The following MPZ variants were observed in gnomAD, a reference collection of about 807,000 sequenced individuals.
MPZ encodes myelin protein P0.
Under a neutral mutation model 27.9 loss-of-function variants are expected in MPZ, and 13 were observed. That is an observed-to-expected ratio of 0.47 (90% CI 0.30 to 0.74). The LOEUF (loss-of-function observed/expected upper bound fraction) is 0.74, where lower values mean the gene tolerates loss of function less well. Among genes scored for constraint, MPZ ranks in the 30% least tolerant of loss-of-function variants. The pLI is 0.06. For synonymous variants in MPZ, 118 were observed against 128.9 expected (o/e 0.92, Z 0.57); for missense variants, 256 against 317.5 (o/e 0.81, Z 1.47).
chr1:161,307,599 T>C (rs1571820596), intron 1 of MPZ, 175 bp from the exon 2 acceptor site: 3 of 638,170 alleles, frequency 4.7e-6, no homozygotes, highest in East Asian at 2.8e-5. Context: ...TGAGCATAAA[T>C]GCTGTGTCTG....
At chr1:161,309,552 A>ATATATATATTTTTTT in intron 1 of MPZ, among the ~76,000 whole-genome samples, 10 of 80,644 alleles carry the variant, frequency 1.2e-4, no homozygotes, top group East Asian at 1.0e-3. Context: ...ATATATATAT[A>ATATATATATTTTTTT]TTTTTTTTTT....
downstream of MPZ, among the ~76,000 whole-genome samples, chr1:161,303,658 A>G (rs1440623804): frequency 6.6e-6 from 1 of 152,190 alleles, no homozygotes; most frequent in South Asian, 2.1e-4. Context: ...CTCTCCTGAC[A>G]GTCTGGGAAG....
At chr1:161,307,130 C>T (rs1321761598) in intron 2 of MPZ, 128 bp downstream of exon 2, 3 of 1,288,568 alleles carry the variant, frequency 2.3e-6, no homozygotes, top group Non-Finnish European at 3.3e-6. Context: ...CAAAGACTGT[C>T]ATTTACCTTG....
At chr1:161,306,561 C>G (rs1571818469) in intron 3 of MPZ, 97 bp from the exon 4 acceptor site, 1 of 1,574,974 alleles carries the variant, frequency 6.3e-7, no homozygotes, top group Non-Finnish European at 8.7e-7. Flanking sequence ...TGTAGGACTC[C>G]CAGCTAAAAC....
In MPZ at chr1:161,305,960, T is replaced by C. The variant is rs1404344759; in HGVS notation, c.663A>G (p.Ala221=). 8.1e-6 allele frequency: 13 copies of C among 1,613,920 alleles called. No individual in the cohort carries two copies. The highest frequency in any genetic ancestry group is 1.1e-5 in the Non-Finnish European group (13 of 1,179,968). The change falls in exon 6 of 6, where the codon GCA becomes GCG. Residue 221 remains alanine, a synonymous_variant. Transcript: ENST00000533357. ...KRGRQTPVLY[A]MLDHSRSTKA... is the part of the protein sequence containing the mutation. ...TGGTGCTTCTGCTGTGGTCCAGCAT[T>C]GCATACAGCACTGGCGTCTGGGGGA...
chr1:161,304,309 T>C (rs535447740), downstream of MPZ, among the ~76,000 whole-genome samples: 69 of 152,312 alleles, frequency 4.5e-4, 1 homozygote, highest in African/African-American at 1.5e-3. Context: ...AAGTTTTCCA[T>C]ACACAGGATC....
chr1:161,308,457 G>A (rs940392729), intron 1 of MPZ, among the ~76,000 whole-genome samples: 1 of 152,182 alleles, frequency 6.6e-6, no homozygotes, highest in Non-Finnish European at 1.5e-5. Context: ...TGGCCCCAGG[G>A]AGGGGCAACT....
chr1:161,305,807 G>T lies in MPZ; in HGVS notation c.*69C>A. ...CATCCTTTCGTAGCTCCATCTCGATGACCATCACCTTTGGGCCTTTGGCGG... is the reference window on the plus strand; with the variant it reads ...CATCCTTTCGTAGCTCCATCTCGATTACCATCACCTTTGGGCCTTTGGCGG... On this transcript the variant is annotated 3_prime_UTR_variant, in exon 6 of 6. Transcript: ENST00000533357. 8.7e-7 allele frequency: 1 copy of T among 1,153,094 alleles called. No homozygotes were observed. Among genetic ancestry groups the T allele is most frequent in the South Asian group, 1.4e-5 (1 of 73,232 alleles). The allele number at this position is 1,153,094 out of a possible 1,614,324, so 71.4% of individuals were successfully genotyped here.
downstream of MPZ, among the ~76,000 whole-genome samples, chr1:161,303,682 C>G (rs1670163772): frequency 6.6e-6 from 1 of 152,162 alleles, no homozygotes; most frequent in Admixed American, 6.6e-5. Flanking sequence ...AAGCAGGGAA[C>G]CCAGCTGCAA....
At chr1:161,307,037 A>C in intron 2 of MPZ, 116 bp from the exon 3 acceptor site, 1 of 920,672 alleles carries the variant, frequency 1.1e-6, no homozygotes. Context: ...AAAAAAAAAA[A>C]AGCTTCGCTC....
chr1:161,304,554 T>G (rs1242798765), downstream of MPZ, among the ~76,000 whole-genome samples: 1 of 152,186 alleles, frequency 6.6e-6, no homozygotes, highest in Non-Finnish European at 1.5e-5. Flanking sequence ...TCTCACTGAT[T>G]ATTTGCTGAA....
Position 161,306,847 on chromosome 1 carries a change from C to T in MPZ, c.309G>A (p.Gly103=). ...TGGAGCCATCCTTCCAGCGAGGGTCCCCTACCCACTGGATGCGCTCTTTGA... is the reference window on the plus strand; with the variant it reads ...TGGAGCCATCCTTCCAGCGAGGGTCTCCTACCCACTGGATGCGCTCTTTGA... The part of the protein sequence containing the change: ...GTFKERIQWV[G]DPRWKDGSIV... Residue 103 remains glycine, a synonymous_variant, in exon 3 of 6, where the codon GGG becomes GGA. Transcript: ENST00000533357. The T allele has an allele frequency of 6.2e-7, 1 of 1,613,856 alleles. No homozygotes were observed. Among genetic ancestry groups the T allele is most frequent in the South Asian group, 1.1e-5 (1 of 91,060 alleles).
Position 161,305,857 on chromosome 1 carries a change from C to A in MPZ, c.*19G>T, listed in dbSNP as rs1413257168. On this transcript the variant is annotated 3_prime_UTR_variant, in exon 6 of 6. Coordinates refer to ENST00000533357, the MANE Select transcript of MPZ (RefSeq NM_000530.8). ...GACTCCACCCCTAACCCCCGATCCCCCGCCCGGCCCGCTAACCGCTATTTC... is the reference window on the plus strand; with the variant it reads ...GACTCCACCCCTAACCCCCGATCCCACGCCCGGCCCGCTAACCGCTATTTC... 6.3e-7 allele frequency: 1 copy of A among 1,594,206 alleles called. No individual in the cohort carries two copies. The highest frequency in any genetic ancestry group is 1.1e-5 in the South Asian group (1 of 89,870).
At position 161,307,471 on chromosome 1, in the gene MPZ, G is replaced by C. The variant is rs374978181; in HGVS notation, c.68-47C>G. ...TCAGATGCACCTATGGGCCCAGTAA[G>C]GGATACAGAGGAAGTGAGATCAGTA... On this transcript the variant is annotated intron_variant, in intron 1 of 5. Coordinates refer to ENST00000533357, the MANE Select transcript of MPZ (RefSeq NM_000530.8). The C allele has an allele frequency of 2.7e-3, 4,365 of 1,607,338 alleles. 5 individuals carry two copies. Among genetic ancestry groups the C allele is most frequent in the Non-Finnish European group, 3.3e-3 (3,889 of 1,175,012 alleles).
intron 2 of MPZ, 93 bp from the exon 3 acceptor site, chr1:161,307,014 C>T: frequency 4.3e-6 from 1 of 230,386 alleles, no homozygotes; most frequent in Non-Finnish European, 7.4e-6. Context: ...AAGAAAAAAG[C>T]AAAAAAAAAA....
chr1:161,306,090 G>A lies in MPZ; in HGVS notation c.645+18C>T, dbSNP rs1367689707. 2 of 1,613,882 alleles carry A rather than the reference G, an allele frequency of 1.2e-6. No individual in the cohort carries two copies. The highest frequency in any genetic ancestry group is 2.7e-5 in the African/African-American group (2 of 74,892). ...GGGTTCTCCTTCCCATCTTGTCTAG[G>A]CCCCAAGTCCCGCTAACCTGCCGCC... On this transcript the variant is annotated intron_variant, in intron 5 of 5. Transcript: ENST00000533357.
intron 3 of MPZ, 61 bp from the exon 4 acceptor site, chr1:161,306,525 T>C: frequency 6.2e-7 from 1 of 1,606,804 alleles, no homozygotes; most frequent in Non-Finnish European, 8.5e-7. Context: ...TGGTTCCTAG[T>C]CCGAGTGTAT....
chr1:161,309,691 C>T (rs1182130627), intron 1 of MPZ, 148 bp downstream of exon 1: 11 of 733,858 alleles, frequency 1.5e-5, no homozygotes, highest in East Asian at 5.4e-5. Flanking sequence ...CATGCCCAGC[C>T]GCATATTTTT....
intron 1 of MPZ, among the ~76,000 whole-genome samples, chr1:161,307,808 C>T (rs1670300349): frequency 6.6e-6 from 1 of 152,154 alleles, no homozygotes; most frequent in African/African-American, 2.4e-5. Flanking sequence ...ATATTGTACT[C>T]TTCTTATAAA....
Sources: allele counts gnomAD v4.1 joint callset (sites outside exome capture counted in the v4.1 genomes callset), GRCh38; gene constraint gnomAD v4.1.1; transcripts MANE v1.5; gene names NCBI Gene and HGNC (gene_info 2026-07-23, HGNC 2026-07-21).